SP140: variants seen among roughly 807,000 people sequenced by gnomAD.
SP140 encodes the protein nuclear body protein SP140.
In SP140, 81 loss-of-function variants were observed where a neutral mutation model predicts 125.0. The ratio of observed to expected loss-of-function variants is 0.65; its 90% CI spans 0.54 to 0.78. The LOEUF (loss-of-function observed/expected upper bound fraction) is 0.78. Among genes scored for constraint, SP140 ranks in the 30% least tolerant of loss-of-function variants. The pLI is 0.00. For synonymous variants in SP140, 312 were observed against 354.0 expected (o/e 0.88, Z 1.33); for missense variants, 858 against 1,037.0 (o/e 0.83, Z 2.37).
chr2:230,237,420 CCTT>C lies in SP140; in HGVS notation c.237+166_237+168del, dbSNP rs2048152991. On this transcript the variant is annotated intron_variant, in intron 2 of 26. Transcript: ENST00000392045. The surrounding 1 kb of genome is among the most constrained non-coding windows in gnomAD (Gnocchi z 5.4). Reference sequence around the variant, plus strand: ...AGAAGCAGGCATCACAGAAAACCTCCCTTCTTCTGTAGTAAATGTTGGGGGAGG... The same window carrying C: ...AGAAGCAGGCATCACAGAAAACCTCCCTTCTGTAGTAAATGTTGGGGGAGG... The C allele has an allele frequency of 3.3e-6, 2 of 605,734 alleles. No homozygotes were observed. Among genetic ancestry groups the C allele is most frequent in the African/African-American group, 1.9e-5 (1 of 53,156 alleles). The allele number at this position is 605,734 out of a possible 1,614,324, so 37.5% of individuals were successfully genotyped here.
At chr2:230,313,915 G>A (rs1370784519), downstream of SP140, among the ~76,000 whole-genome samples, 1 of 152,174 alleles carries the variant, frequency 6.6e-6, no homozygotes, top group Non-Finnish European at 1.5e-5. Context: ...GGGTTTTGGT[G>A]GCTATTGCTA....
Position 230,225,835 on chromosome 2 carries a change from G to A in SP140, c.-10G>A, listed in dbSNP as rs1357173043. 6.2e-7 allele frequency: 1 copy of A among 1,613,764 alleles called. No individual in the cohort carries two copies. Among genetic ancestry groups the A allele is most frequent in the Non-Finnish European group, 8.5e-7 (1 of 1,179,640 alleles). On this transcript the variant is annotated 5_prime_UTR_variant, in exon 1 of 27. Coordinates refer to ENST00000392045, the MANE Select transcript of SP140 (RefSeq NM_007237.5). ...GAAAATCGAATCGGGTGTGATCCTA[G>A]GCCAAGCTCATGGCCCAGCAGGGCC...
downstream of SP140, among the ~76,000 whole-genome samples, chr2:230,314,978 G>A (rs1175280535): frequency 6.6e-6 from 1 of 152,236 alleles, no homozygotes; most frequent in Non-Finnish European, 1.5e-5. Context: ...TTTCCCTAAG[G>A]GGCATGAATG....
chr2:230,285,161 T>C (rs1180923160), intron 16 of SP140, among the ~76,000 whole-genome samples: 2 of 152,226 alleles, frequency 1.3e-5, no homozygotes. Flanking sequence ...TTTTATTTTC[T>C]GAATTTCCTG....
Position 230,254,948 on chromosome 2 carries a change from T to C in SP140, c.1160-504T>C, listed in dbSNP as rs751958707. Among the ~76,000 whole-genome samples the C allele has an allele frequency of 1.2e-4, 19 of 152,322 alleles. 3 individuals are homozygous for C. The highest frequency in any genetic ancestry group is 7.2e-4 in the Admixed American group (11 of 15,298). On this transcript the variant is annotated intron_variant, in intron 11 of 26. Coordinates refer to ENST00000392045, the MANE Select transcript of SP140 (RefSeq NM_007237.5). ...TTGTTGCCTTGGCCCACTCTGCTCC[T>C]GATCCCCTTCCTTATCTGGTTCATT...
chr2:230,283,357 C>A (rs1177097737), intron 15 of SP140, among the ~76,000 whole-genome samples: 1 of 152,190 alleles, frequency 6.6e-6, no homozygotes, highest in Non-Finnish European at 1.5e-5. Context: ...CTCCTTTTCT[C>A]ACTTAGACTT....
At chr2:230,270,009 C>T in intron 14 of SP140, 56 bp downstream of exon 14, 1 of 1,141,770 alleles carries the variant, frequency 8.8e-7, no homozygotes, top group Non-Finnish European at 1.3e-6. Context: ...CCACAGACCC[C>T]CAGTAGGGTG....
intron 22 of SP140, among the ~76,000 whole-genome samples, chr2:230,301,086 C>G (rs758528978): frequency 1.3e-5 from 2 of 152,084 alleles, no homozygotes; most frequent in Non-Finnish European, 2.9e-5. Context: ...TGGAATTAAC[C>G]CAATCCAACA....
chr2:230,227,505 G>T (rs1194237021), intron 1 of SP140, among the ~76,000 whole-genome samples: 1 of 152,232 alleles, frequency 6.6e-6, no homozygotes, highest in African/African-American at 2.4e-5. Context: ...GGAGGATGAT[G>T]TCATTTCTTC....
At chr2:230,292,961 A>C (rs1236755284) in intron 20 of SP140, among the ~76,000 whole-genome samples, 173 bp downstream of exon 20, 1 of 152,234 alleles carries the variant, frequency 6.6e-6, no homozygotes, top group Non-Finnish European at 1.5e-5. Flanking sequence ...ACAGTGCAAC[A>C]CATTGACGTT....
intron 1 of SP140, among the ~76,000 whole-genome samples, chr2:230,209,389 G>A (rs2044221637): frequency 6.6e-6 from 1 of 152,126 alleles, no homozygotes; most frequent in South Asian, 2.1e-4. Context: ...TGACAGAAAA[G>A]CAGCTTTTGA....
At chr2:230,282,645 G>A (rs1575189938) in intron 15 of SP140, among the ~76,000 whole-genome samples, 1 of 152,074 alleles carries the variant, frequency 6.6e-6, no homozygotes, top group East Asian at 1.9e-4. Context: ...ACACACACAC[G>A]TACCCACACA....
chr2:230,315,902 G>A (rs1037721228), downstream of SP140, among the ~76,000 whole-genome samples: 2 of 152,162 alleles, frequency 1.3e-5, no homozygotes, highest in Admixed American at 6.5e-5. Flanking sequence ...GTCAAATATG[G>A]TATCTTTATT....
At chr2:230,249,554 A>G (rs930930303) in intron 9 of SP140, among the ~76,000 whole-genome samples, 3 of 152,324 alleles carry the variant, frequency 2.0e-5, no homozygotes, top group African/African-American at 7.2e-5. Flanking sequence ...GGAGCATAAG[A>G]TAAAACCCAA....
chr2:230,256,727 C>T (rs936335320), intron 12 of SP140, among the ~76,000 whole-genome samples: 4 of 152,206 alleles, frequency 2.6e-5, no homozygotes, highest in Non-Finnish European at 4.4e-5. Flanking sequence ...TATCATTCCT[C>T]TGCTGGTAGA....
intron 22 of SP140, among the ~76,000 whole-genome samples, chr2:230,305,304 T>G (rs2058652243): frequency 6.6e-6 from 1 of 152,220 alleles, no homozygotes; most frequent in Non-Finnish European, 1.5e-5. Flanking sequence ...ACACTTCTGG[T>G]GGGAATGTAA....
chr2:230,251,466 G>C (rs973092367), intron 10 of SP140, among the ~76,000 whole-genome samples: 2 of 152,254 alleles, frequency 1.3e-5, no homozygotes, highest in East Asian at 3.9e-4. Flanking sequence ...CTATTTTACA[G>C]ATGAAGAAAT....
intron 1 of SP140, among the ~76,000 whole-genome samples, chr2:230,209,069 C>A (rs552014426): frequency 2.6e-5 from 4 of 152,060 alleles, no homozygotes; most frequent in Non-Finnish European, 5.9e-5. Context: ...ATTTTTGATT[C>A]TTTTTCTTTT....
chr2:230,316,315 G>A (rs2059483382), downstream of SP140, among the ~76,000 whole-genome samples: 1 of 152,032 alleles, frequency 6.6e-6, no homozygotes, highest in African/African-American at 2.4e-5. Flanking sequence ...CCCCTCCAAA[G>A]CTCCAAGCTA....
Sources: gnomAD v4.1 joint callset for allele counts (sites outside exome capture counted in the v4.1 genomes callset) on GRCh38, gnomAD v4.1.1 for gene constraint, Gnocchi (gnomAD v3.1) non-coding constraint, MANE v1.5 for transcripts, NCBI Gene and HGNC (gene_info 2026-07-23, HGNC 2026-07-21) for gene names.